CCDC85C: variants seen among roughly 807,000 people sequenced by gnomAD.
CCDC85C encodes the protein coiled-coil domain containing 85C.
A neutral mutation model predicts 38.3 loss-of-function variants in CCDC85C; 18 were observed. That is an observed-to-expected ratio of 0.47 (90% CI 0.33 to 0.70). The LOEUF is 0.70. Ranked by LOEUF, CCDC85C falls within the 30% of genes least tolerant of loss-of-function variation. The pLI is 0.03. For synonymous variants in CCDC85C, 264 were observed against 293.8 expected (o/e 0.90, Z 1.04); for missense variants, 566 against 621.2 (o/e 0.91, Z 0.94).
At chr14:99,565,793 C>A (rs1187671514) in intron 1 of CCDC85C, among the ~76,000 whole-genome samples, 1 of 152,158 alleles carries the variant, frequency 6.6e-6, no homozygotes, top group Non-Finnish European at 1.5e-5. Context: ...AGAAAAGACT[C>A]CAGAAGAGCA....
At chr14:99,546,069 A>C (rs150619677) in intron 1 of CCDC85C, among the ~76,000 whole-genome samples, 387 of 151,472 alleles carry the variant, frequency 2.6e-3, no homozygotes, top group African/African-American at 8.9e-3. Context: ...GGGGGGGGGA[A>C]TAAACAACCC....
chr14:99,564,577 C>A (rs1898178923), intron 1 of CCDC85C, among the ~76,000 whole-genome samples: 1 of 152,234 alleles, frequency 6.6e-6, no homozygotes, highest in Non-Finnish European at 1.5e-5. Context: ...AATGTCTCTA[C>A]CACCTGACTC....
At chr14:99,574,528 G>C (rs564461301) in intron 1 of CCDC85C, among the ~76,000 whole-genome samples, 1 of 152,162 alleles carries the variant, frequency 6.6e-6, no homozygotes, top group Non-Finnish European at 1.5e-5. Flanking sequence ...TCCAGACCTT[G>C]GGCAGGGAGG....
rs1036977287 is a variant in CCDC85C at position 99,548,726 on chromosome 14, C to T, written c.794-12638G>A. Among the ~76,000 whole-genome samples the T allele has an allele frequency of 2.6e-5, 4 of 152,204 alleles. No individual in the cohort carries two copies. The highest frequency in any genetic ancestry group is 1.9e-4 in the East Asian group (1 of 5,184). The stretch of plus-strand genomic sequence containing the variant: ...GTCCCAGGTACTCGGGAGACCGAGG[C>T]GGGAGGCGTGCTGGAGCTCAGGAGT... On this transcript the variant is annotated intron_variant, in intron 1 of 5. Coordinates refer to ENST00000380243, the MANE Select transcript of CCDC85C (RefSeq NM_001144995.2). The surrounding 1 kb of genome is among the most constrained non-coding windows in gnomAD (Gnocchi z 4.9).
intron 1 of CCDC85C, among the ~76,000 whole-genome samples, chr14:99,594,612 T>C (rs889831439): frequency 2.6e-5 from 4 of 152,170 alleles, no homozygotes; most frequent in African/African-American, 7.2e-5. Context: ...GAGTGACCGA[T>C]AGGAGGCAGG....
intron 1 of CCDC85C, among the ~76,000 whole-genome samples, chr14:99,546,883 T>C (rs983661833): frequency 6.6e-6 from 1 of 152,162 alleles, no homozygotes; most frequent in Non-Finnish European, 1.5e-5. Flanking sequence ...GAAAAAACTA[T>C]TTTGACCAGG....
intron 1 of CCDC85C, among the ~76,000 whole-genome samples, chr14:99,565,856 C>T (rs746809174): frequency 6.6e-6 from 1 of 152,180 alleles, no homozygotes; most frequent in Non-Finnish European, 1.5e-5. Context: ...GGTGGGGAGA[C>T]CCCAGAGAAG....
intron 5 of CCDC85C, among the ~76,000 whole-genome samples, chr14:99,515,935 C>T (rs998945103): frequency 6.6e-6 from 1 of 152,118 alleles, no homozygotes. Context: ...TCCAGAACCC[C>T]AGGCACGGCA....
At position 99,515,195 on chromosome 14, in the gene CCDC85C, TC is replaced by T; in HGVS notation, c.*50del. ...CCTGCCCGTGTCTGGGGCCTGAAAC[TC>T]CCCCTGGGGACCCCCAGCAGGGCCA... is the stretch of plus-strand genomic sequence containing the variant. On this transcript the variant is annotated 3_prime_UTR_variant, in exon 6 of 6. Transcript: ENST00000380243. The T allele has an allele frequency of 7.1e-7, 1 of 1,399,500 alleles. No homozygotes were observed. The highest frequency in any genetic ancestry group is 9.8e-7 in the Non-Finnish European group (1 of 1,016,616). The allele number at this position is 1,399,500 out of a possible 1,614,324, so 86.7% of individuals were successfully genotyped here.
At chr14:99,573,584 C>A (rs1898405259) in intron 1 of CCDC85C, among the ~76,000 whole-genome samples, 1 of 152,202 alleles carries the variant, frequency 6.6e-6, no homozygotes, top group African/African-American at 2.4e-5. Context: ...TGAGGCAGAC[C>A]CGGCCTGGAC....
chr14:99,599,389 G>A (rs1418298473), intron 1 of CCDC85C, among the ~76,000 whole-genome samples: 1 of 152,170 alleles, frequency 6.6e-6, no homozygotes, highest in Non-Finnish European at 1.5e-5. Context: ...CAGGAGGGGG[G>A]CATGGTGCCT....
chr14:99,515,980 C>T (rs929730521), intron 5 of CCDC85C, among the ~76,000 whole-genome samples: 1 of 152,128 alleles, frequency 6.6e-6, no homozygotes, highest in Non-Finnish European at 1.5e-5. Context: ...ACACCAGGGG[C>T]CCTCTGGGAA....
chr14:99,532,807 A>C (rs1333795587), intron 2 of CCDC85C, among the ~76,000 whole-genome samples: 1 of 117,090 alleles, frequency 8.5e-6, no homozygotes, highest in Non-Finnish European at 1.7e-5. Context: ...TTTGAGGTGG[A>C]GTCTCACTCT....
Position 99,502,216 on chromosome 14 carries a change from C to T in CCDC85C, c.*13030G>A, listed in dbSNP as rs780225159. The T allele has an allele frequency of 6.3e-7, 1 of 1,591,430 alleles. No individual in the cohort carries two copies. Among genetic ancestry groups the T allele is most frequent in the South Asian group, 1.1e-5 (1 of 87,532 alleles). The stretch of plus-strand genomic sequence containing the variant: ...TTTCTTGTTGAACTAGTCTCTGCAC[C>T]ACCTTGTCACTGCAGTGGGAACCAG... On this transcript the variant is annotated 3_prime_UTR_variant, in exon 6 of 6. Transcript: ENST00000380243.
At chr14:99,546,064 G>T (rs1023137910) in intron 1 of CCDC85C, among the ~76,000 whole-genome samples, 1 of 152,018 alleles carries the variant, frequency 6.6e-6, no homozygotes, top group African/African-American at 2.4e-5. Flanking sequence ...GCATGGGGGG[G>T]GGGAATAAAC....
chr14:99,522,817 T>G (rs9788579), intron 2 of CCDC85C: 1 of 152,458 alleles, frequency 6.6e-6, no homozygotes, highest in Admixed American at 6.5e-5. Context: ...GCTGTGGGGT[T>G]GTAACTAACT....
intron 1 of CCDC85C, among the ~76,000 whole-genome samples, chr14:99,541,171 A>G (rs989240502): frequency 2.6e-5 from 4 of 152,162 alleles, no homozygotes; most frequent in African/African-American, 9.7e-5. Flanking sequence ...CTGCAGCCCT[A>G]ATAGGAACTC....
At chr14:99,551,410 C>T (rs1407737928) in intron 1 of CCDC85C, among the ~76,000 whole-genome samples, 1 of 151,734 alleles carries the variant, frequency 6.6e-6, no homozygotes, top group Non-Finnish European at 1.5e-5. Flanking sequence ...AGTGAGTATG[C>T]AGATGAGCAG....
rs1301851971 is a variant in CCDC85C, at chr14:99,506,156, A to T, written c.*9090T>A. 6.6e-6 allele frequency: 1 copy of T among 152,212 alleles called. No individual in the cohort carries two copies. The allele number at this position is 152,212 out of a possible 1,614,324, so 9.4% of individuals were successfully genotyped here. ...AGAGGGGCTTTGGACTCTGAGGAAGAGGGTGAAGAGAGAGGAAGTCCCTGG... is the reference window on the plus strand; with the variant it reads ...AGAGGGGCTTTGGACTCTGAGGAAGTGGGTGAAGAGAGAGGAAGTCCCTGG... On this transcript the variant is annotated 3_prime_UTR_variant, in exon 6 of 6. Transcript: ENST00000380243.
Sources: allele counts gnomAD v4.1 joint callset (sites outside exome capture counted in the v4.1 genomes callset), GRCh38; gene constraint gnomAD v4.1.1; non-coding constraint Gnocchi (gnomAD v3.1); transcripts MANE v1.5; gene names NCBI Gene and HGNC (gene_info 2026-07-23, HGNC 2026-07-21).